CD6: variants seen among roughly 807,000 people sequenced by gnomAD.
CD6 encodes the protein T-cell differentiation antigen CD6.
CD6 carries 53 observed loss-of-function variants against 75.3 expected under a neutral mutation model. That is an observed-to-expected ratio of 0.70 (90% CI 0.56 to 0.88). The LOEUF (loss-of-function observed/expected upper bound fraction) is 0.88. Among genes scored for constraint, CD6 ranks in the 40% least tolerant of loss-of-function variants. The pLI, the probability that CD6 is intolerant of heterozygous loss-of-function variation, is 0.00. For synonymous variants in CD6, 359 were observed against 381.5 expected, an observed-to-expected ratio of 0.94 and a Z score of 0.69; for missense variants, 770 against 897.1, an observed-to-expected ratio of 0.86 and a Z score of 1.81.
At chr11:60,977,760 G>T (rs1234559386) in intron 1 of CD6, among the ~76,000 whole-genome samples, 1 of 152,022 alleles carries the variant, frequency 6.6e-6, no homozygotes, top group African/African-American at 2.4e-5. Context: ...CTCCCAAATA[G>T]CTGGGATTAC....
chr11:60,994,540 C>G (rs1244206732), intron 1 of CD6, among the ~76,000 whole-genome samples: 2 of 149,448 alleles, frequency 1.3e-5, no homozygotes, highest in South Asian at 2.1e-4. Flanking sequence ...TAACTTCCAT[C>G]CGTCTCTGTC....
chr11:60,989,698 A>G (rs1199674201), intron 1 of CD6, among the ~76,000 whole-genome samples: 1 of 152,190 alleles, frequency 6.6e-6, no homozygotes, highest in Non-Finnish European at 1.5e-5. Flanking sequence ...GAGCATTCAC[A>G]GCACACCCTG....
At chr11:61,004,427 C>A (rs528387471) in intron 1 of CD6, 2 of 152,334 alleles carry the variant, frequency 1.3e-5, no homozygotes, top group African/African-American at 4.8e-5. Context: ...AGAGTTTATG[C>A]TCTGAATTTG....
chr11:60,985,463 G>T (rs1426651372), intron 1 of CD6, among the ~76,000 whole-genome samples: 1 of 151,828 alleles, frequency 6.6e-6, no homozygotes, highest in Admixed American at 6.6e-5. Flanking sequence ...GGGATTACAG[G>T]TATAAGCCAC....
chr11:61,018,433 G>T lies in CD6; in HGVS notation c.1942+40G>T, dbSNP rs1859529698. ...GGAAGGGATGTGGGAGGGGGACAGA[G>T]AGGGACTGGGGAGTAAATGAGTGGG... On this transcript the variant is annotated intron_variant, in intron 12 of 12. Coordinates refer to ENST00000313421, the MANE Select transcript of CD6 (RefSeq NM_006725.5). The T allele has an allele frequency of 6.2e-6, 9 of 1,450,252 alleles. No individual in the cohort carries two copies. The South Asian group carries it at 8.5e-5, about 14-fold the overall frequency. 89.8% of individuals were successfully genotyped at this position (1,450,252 alleles called of 1,614,324 possible). A position where few individuals can be genotyped will look rare whatever the true frequency, so the allele number is the denominator to read the frequency against.
At chr11:61,010,781 T>C (rs541814264) in intron 5 of CD6, among the ~76,000 whole-genome samples, 1 of 152,262 alleles carries the variant, frequency 6.6e-6, no homozygotes, top group East Asian at 1.9e-4. Context: ...TGAAACTGAA[T>C]GGAAAACGGA....
intron 1 of CD6, among the ~76,000 whole-genome samples, chr11:60,974,527 G>A (rs1294207248): frequency 6.6e-6 from 1 of 152,200 alleles, no homozygotes; most frequent in East Asian, 1.9e-4. Flanking sequence ...TTACAGGAGT[G>A]AGCCACCGCG....
chr11:61,008,576 C>T lies in CD6; in HGVS notation c.512C>T (p.Ala171Val). 2 of 1,607,302 alleles carry T rather than the reference C, an allele frequency of 1.2e-6. No individual in the cohort carries two copies. The highest frequency in any genetic ancestry group is 1.1e-5 in the South Asian group (1 of 90,048). The change falls in exon 4 of 13, where the codon GCC becomes GTC. Residue 171 changes from alanine to valine, a missense_variant. Transcript: ENST00000313421. ...CTGGTGGACGGTGGCGGCGCCTGCG[C>T]CGGCCGCGTGGAGATGCTGGAGCAT... ...LRLVDGGGAC[A>V]GRVEMLEHGE... is the part of the protein sequence containing the mutation.
At chr11:61,018,034 A>T in intron 11 of CD6, 21 bp downstream of exon 11, 1 of 1,606,698 alleles carries the variant, frequency 6.2e-7, no homozygotes, top group Non-Finnish European at 8.5e-7. Flanking sequence ...CCTCCCCCAA[A>T]CCCCCATCCC....
Position 61,019,540 on chromosome 11 carries a change from G to A in CD6, c.*222G>A. 1 of 434,462 alleles carries A rather than the reference G, an allele frequency of 2.3e-6. No individual in the cohort carries two copies. Among genetic ancestry groups the A allele is most frequent in the East Asian group, 3.4e-5 (1 of 29,366 alleles). The allele number at this position is 434,462 out of a possible 1,614,324, so 26.9% of individuals were successfully genotyped here. On this transcript the variant is annotated 3_prime_UTR_variant, in exon 13 of 13. Coordinates refer to ENST00000313421, the MANE Select transcript of CD6 (RefSeq NM_006725.5). ...CCCCCGGCCCCAGATAGCAGCCCCA[G>A]GGAGGATGCTGCCTCCAAGAGGTGT...
chr11:60,994,465 A>AAAAAAAAAAAC (rs1554993198), intron 1 of CD6, among the ~76,000 whole-genome samples: 2 of 138,276 alleles, frequency 1.4e-5, no homozygotes, highest in Non-Finnish European at 3.2e-5. Context: ...GCCAAAAAAA[A>AAAAAAAAAAAC]AAAAAAGCTG....
chr11:61,014,268 T>C (rs1045434446), intron 8 of CD6, among the ~76,000 whole-genome samples: 1 of 152,162 alleles, frequency 6.6e-6, no homozygotes, highest in African/African-American at 2.4e-5. Context: ...GCAAAGCACG[T>C]TTTAGATCTT....
chr11:60,997,456 AG>A (rs1189631092), intron 1 of CD6, among the ~76,000 whole-genome samples: 1 of 151,404 alleles, frequency 6.6e-6, no homozygotes, highest in Non-Finnish European at 1.5e-5. Flanking sequence ...TTTTCAAAAA[AG>A]TAAAAAGAAA....
rs1554993198 is a variant in CD6 at position 60,994,465 on chromosome 11, A to AAAAAAAAAAAAAAAAAAAC, written c.50-12103_50-12102insAAAAAAAAAAAACAAAAAA. Among the ~76,000 whole-genome samples, 3 of 138,272 alleles carry AAAAAAAAAAAAAAAAAAAC rather than the reference A, an allele frequency of 2.2e-5. 1 individual carries two copies. Among genetic ancestry groups the AAAAAAAAAAAAAAAAAAAC allele is most frequent in the Non-Finnish European group, 4.8e-5 (3 of 61,970 alleles). 90.7% of individuals were successfully genotyped at this position (138,272 alleles called of 152,430 possible). A position where few individuals can be genotyped will look rare whatever the true frequency, so the allele number is the denominator to read the frequency against. On this transcript the variant is annotated intron_variant, in intron 1 of 12. Transcript: ENST00000313421. Reference sequence around the variant, plus strand: ...CTCCCCAACACCCCCGCCAAAAAAAAAAAAAAGCTGAATTTCTTTGACCTG... The same window carrying AAAAAAAAAAAAAAAAAAAC: ...CTCCCCAACACCCCCGCCAAAAAAAAAAAAAAAAAAAAAAAAAACAAAAAAGCTGAATTTCTTTGACCTG...
rs1858737009 is a variant in CD6, at chr11:61,004,233, CAT to C, written c.50-2338_50-2337del. 2.6e-5 allele frequency among the ~76,000 whole-genome samples: 4 copies of C among 152,268 alleles called. No individual in the cohort carries two copies. The South Asian group carries it at 8.3e-4, about 32-fold the overall frequency. On this transcript the variant is annotated intron_variant, in intron 1 of 12. Coordinates refer to ENST00000313421, the MANE Select transcript of CD6 (RefSeq NM_006725.5). ...ATGCACACAGTCCCTCACACACACT[CAT>C]ATGCACACACCTCACAGTCATACAC... is the stretch of plus-strand genomic sequence containing the variant.
intron 1 of CD6, among the ~76,000 whole-genome samples, chr11:60,986,856 C>T (rs1476827159): frequency 2.0e-5 from 3 of 152,126 alleles, no homozygotes; most frequent in Non-Finnish European, 2.9e-5. Context: ...TCCCTGGCGC[C>T]GTGGCGCACA....
intron 1 of CD6, among the ~76,000 whole-genome samples, chr11:60,981,383 G>T (rs1457719714): frequency 6.6e-6 from 1 of 152,134 alleles, no homozygotes; most frequent in Non-Finnish European, 1.5e-5. Flanking sequence ...GTTTGGGCCG[G>T]GGACCCCTCC....
intron 1 of CD6, among the ~76,000 whole-genome samples, chr11:60,998,407 T>G (rs1255628010): frequency 6.6e-6 from 1 of 152,160 alleles, no homozygotes; most frequent in Non-Finnish European, 1.5e-5. Flanking sequence ...CTGGACAAGA[T>G]CAAAATCTCA....
At chr11:61,002,966 C>CTTTTCTT (rs1394436948) in intron 1 of CD6, among the ~76,000 whole-genome samples, 2 of 152,044 alleles carry the variant, frequency 1.3e-5, no homozygotes, top group Admixed American at 1.3e-4. Flanking sequence ...CTTTTCTTTT[C>CTTTTCTT]TTTTCTTTTC....
Sources: gnomAD v4.1 joint callset for allele counts (sites outside exome capture counted in the v4.1 genomes callset) on GRCh38, gnomAD v4.1.1 for gene constraint, MANE v1.5 for transcripts, NCBI Gene and HGNC (gene_info 2026-07-23, HGNC 2026-07-21) for gene names.